Variants in KLRG1 observed in about 807,000 individuals in gnomAD.
KLRG1 encodes the protein killer cell lectin like receptor G1, also known as killer cell lectin-like receptor subfamily G member 1.
A neutral mutation model predicts 21.8 loss-of-function variants in KLRG1; 16 were observed. That is an observed-to-expected ratio of 0.73 (90% confidence interval 0.50 to 1.11). The LOEUF (loss-of-function observed/expected upper bound fraction) is 1.11. Among genes scored for constraint, KLRG1 ranks in the 50% most tolerant of loss-of-function variants. The pLI, the probability that KLRG1 is intolerant of heterozygous loss-of-function variation, is 0.00. For missense variants in KLRG1, 173 were observed against 218.3 expected (o/e 0.79, Z 1.31); for synonymous variants, 69 against 75.9 (o/e 0.91, Z 0.47).
At chr12:9,105,907 A>G in the KLRG1 span, among the ~76,000 whole-genome samples, 4 of 152,204 alleles carry the variant, frequency 2.6e-5, no homozygotes, top group African/African-American at 7.2e-5. Context: ...AGAAAATGTC[A>G]TAAAAACCTG....
chr12:9,051,374 G>A, the KLRG1 span, among the ~76,000 whole-genome samples: 3 of 151,958 alleles, frequency 2.0e-5, no homozygotes, highest in Non-Finnish European at 4.4e-5. Flanking sequence ...AGGATGACCT[G>A]TCTACAGAGA....
At chr12:9,050,439 C>T in the KLRG1 span, among the ~76,000 whole-genome samples, 4 of 152,336 alleles carry the variant, frequency 2.6e-5, 1 homozygote, top group South Asian at 6.2e-4. Context: ...GTGGGAGCTT[C>T]GCCTCTTCTG....
At chr12:9,166,783 C>G in the KLRG1 span, among the ~76,000 whole-genome samples, 2 of 152,124 alleles carry the variant, frequency 1.3e-5, no homozygotes, top group African/African-American at 4.8e-5. Context: ...TTGTCAAAAA[C>G]AGATATTTCC....
chr12:9,200,067 G>T, the KLRG1 span, among the ~76,000 whole-genome samples: 1 of 152,112 alleles, frequency 6.6e-6, no homozygotes, highest in South Asian at 2.1e-4. Flanking sequence ...TATTTTAGAG[G>T]TACATACTAC....
the KLRG1 span, chr12:9,165,103 C>A: frequency 1.1e-5 from 18 of 1,594,042 alleles, no homozygotes; most frequent in Middle Eastern, 5.0e-4. Context: ...ATCTTTTGTT[C>A]TACCCACCTT....
intron 1 of KLRG1, among the ~76,000 whole-genome samples, chr12:8,972,314 C>T (rs1946583404): frequency 1.3e-5 from 2 of 152,164 alleles, no homozygotes; most frequent in South Asian, 2.1e-4. Flanking sequence ...CCCGCCACCA[C>T]TCCTGGCTAA....
At chr12:9,044,342 A>T in the KLRG1 span, among the ~76,000 whole-genome samples, 2 of 152,196 alleles carry the variant, frequency 1.3e-5, no homozygotes, top group Non-Finnish European at 2.9e-5. Context: ...AAGTTTAAAC[A>T]ATCAAAAAAT....
chr12:9,091,208 C>T, the KLRG1 span: 2 of 1,613,786 alleles, frequency 1.2e-6, no homozygotes, highest in South Asian at 1.1e-5. Flanking sequence ...TACCCGGATG[C>T]ATTTGGGAAG....
chr12:9,144,785 G>A, the KLRG1 span, among the ~76,000 whole-genome samples: 4 of 152,286 alleles, frequency 2.6e-5, no homozygotes, highest in South Asian at 2.1e-4. Context: ...CTCTCTGGCC[G>A]GAGGGGAGGT....
At chr12:9,013,387 A>G (rs1187951655), downstream of KLRG1, among the ~76,000 whole-genome samples, 1 of 152,214 alleles carries the variant, frequency 6.6e-6, no homozygotes, top group East Asian at 1.9e-4. Context: ...TAAGGCACCA[A>G]TGACCAATGC....
chr12:9,165,628 T>C, the KLRG1 span, among the ~76,000 whole-genome samples: 4 of 152,168 alleles, frequency 2.6e-5, no homozygotes, highest in Non-Finnish European at 4.4e-5. Flanking sequence ...TGAATTGCGA[T>C]TCATTTTAGT....
rs1164699260 is a variant in KLRG1, at chr12:8,995,140, C to T, written c.209C>T (p.Ala70Val). ...CTAGGCTCCAACTACTCCACTTGTG[C>T]CAGCTGTCCTAGCTGCCCAGACCGC... ...LCQGSNYSTC[A>V]SCPSCPDRWM... The change falls in exon 3 of 5, where the codon GCC becomes GTC. Residue 70 changes from alanine (A) to valine (V), a missense_variant. Physicochemically the swap from Ala to Val is moderately conservative, Grantham distance 64. Transcript: ENST00000356986. 2 of 1,607,202 alleles carry T rather than the reference C, an allele frequency of 1.2e-6. No individual in the cohort carries two copies. Among genetic ancestry groups the T allele is most frequent in the Non-Finnish European group, 8.5e-7 (1 of 1,177,398 alleles).
chr12:8,953,195 G>T (rs1191459501), intron 1 of KLRG1, among the ~76,000 whole-genome samples: 1 of 152,194 alleles, frequency 6.6e-6, no homozygotes, highest in Admixed American at 6.5e-5. Context: ...GGATGGAGAA[G>T]AATTTTATTG....
the KLRG1 span, among the ~76,000 whole-genome samples, chr12:9,085,621 C>A: frequency 6.6e-6 from 1 of 151,840 alleles, no homozygotes. Flanking sequence ...ACAAAGTAAG[C>A]TCAAAATTGG....
intron 4 of KLRG1, 152 bp downstream of exon 4, chr12:9,009,227 TG>T: frequency 1.3e-6 from 1 of 776,798 alleles, no homozygotes. Flanking sequence ...GAATGAACAA[TG>T]GGTAAGGGCA....
chr12:8,974,615 T>C (rs1414687023), intron 1 of KLRG1, among the ~76,000 whole-genome samples: 3 of 152,228 alleles, frequency 2.0e-5, no homozygotes, highest in African/African-American at 7.2e-5. Context: ...TTTTTCTGCA[T>C]CTATTGAGAT....
the KLRG1 span, among the ~76,000 whole-genome samples, chr12:9,020,892 C>A: frequency 6.6e-6 from 1 of 152,168 alleles, no homozygotes; most frequent in African/African-American, 2.4e-5. Flanking sequence ...GTGGCAACAT[C>A]ATAGAATGTA....
the KLRG1 span, among the ~76,000 whole-genome samples, chr12:9,021,525 C>T: frequency 2.6e-5 from 4 of 151,294 alleles, no homozygotes; most frequent in African/African-American, 4.9e-5. Flanking sequence ...CTCAGCCTCC[C>T]GAGTAGCTGG....
At chr12:9,164,324 T>C in the KLRG1 span, 56 of 1,525,206 alleles carry the variant, frequency 3.7e-5, no homozygotes, top group Non-Finnish European at 2.3e-5. Flanking sequence ...ACACATAGAA[T>C]TGGGGCCAAG....
Sources: gnomAD v4.1 joint callset for allele counts (sites outside exome capture counted in the v4.1 genomes callset) on GRCh38, gnomAD v4.1.1 for gene constraint, MANE v1.5 for transcripts, NCBI Gene and HGNC (gene_info 2026-07-23, HGNC 2026-07-21) for gene names.